The following NCKAP5 variants were observed in gnomAD, a reference collection of about 807,000 sequenced individuals.
The protein encoded by NCKAP5 is NCK associated protein 5, also known as nck-associated protein 5.
NCKAP5 carries 92 observed loss-of-function variants against 167.0 expected under a neutral mutation model. The ratio of observed to expected loss-of-function variants is 0.55; its 90% confidence interval spans 0.47 to 0.66. The LOEUF (loss-of-function observed/expected upper bound fraction) is 0.66, where lower values mean the gene tolerates loss of function less well. NCKAP5 is among the 30% of genes least tolerant of loss of function. The pLI is 0.00. For missense variants in NCKAP5, 2,378 were observed against 2,315.0 expected (o/e 1.03, Z -0.56); for synonymous variants, 891 against 877.4 (o/e 1.02, Z -0.27).
At chr2:133,020,620 A>G (rs2078493420) in intron 6 of NCKAP5, among the ~76,000 whole-genome samples, 1 of 152,312 alleles carries the variant, frequency 6.6e-6, no homozygotes, top group East Asian at 1.9e-4. Context: ...TTGTTTTTAA[A>G]TTTCATTTCA....
chr2:133,182,229 T>C (rs1430597105), intron 5 of NCKAP5, among the ~76,000 whole-genome samples: 1 of 152,156 alleles, frequency 6.6e-6, no homozygotes, highest in Non-Finnish European at 1.5e-5. Context: ...TACACAACAA[T>C]AGCATTAACC....
At chr2:132,843,332 C>T (rs1192166887) in intron 11 of NCKAP5, among the ~76,000 whole-genome samples, 1 of 152,038 alleles carries the variant, frequency 6.6e-6, no homozygotes, top group African/African-American at 2.4e-5. Flanking sequence ...TTATTAAGTT[C>T]ACCTTACATT....
chr2:133,275,188 A>C (rs1257200933), intron 4 of NCKAP5, among the ~76,000 whole-genome samples: 1 of 152,094 alleles, frequency 6.6e-6, no homozygotes, highest in South Asian at 2.1e-4. Context: ...GGGAAATGCA[A>C]ATTAAAACAA....
At chr2:132,917,140 A>C (rs929332769) in intron 8 of NCKAP5, among the ~76,000 whole-genome samples, 1 of 152,206 alleles carries the variant, frequency 6.6e-6, no homozygotes, top group African/African-American at 2.4e-5. Context: ...CTAAGCAGAA[A>C]GATATGCAGT....
intron 6 of NCKAP5, chr2:133,123,479 C>T (rs2082311909): frequency 1.0e-5 from 2 of 192,504 alleles, no homozygotes; most frequent in Non-Finnish European, 2.2e-5. Context: ...AAAATTTATC[C>T]TTGAACCAAT....
chr2:133,444,737 A>T (rs1393662442), intron 3 of NCKAP5, among the ~76,000 whole-genome samples: 2 of 152,212 alleles, frequency 1.3e-5, no homozygotes, highest in Non-Finnish European at 2.9e-5. Context: ...TCAGCAGAAC[A>T]GGAGTCAGCC....
At chr2:132,683,790 G>T (rs1045842161) in intron 19 of NCKAP5, among the ~76,000 whole-genome samples, 1 of 152,170 alleles carries the variant, frequency 6.6e-6, no homozygotes, top group Non-Finnish European at 1.5e-5. Flanking sequence ...GGCAGAGGAA[G>T]TTTGGTGACC....
intron 4 of NCKAP5, among the ~76,000 whole-genome samples, chr2:133,238,991 G>T (rs2087553020): frequency 6.6e-6 from 1 of 152,012 alleles, no homozygotes; most frequent in South Asian, 2.1e-4. Context: ...CCTTTATGAG[G>T]TCCTTATGTT....
Position 132,790,100 on chromosome 2 carries a change from A to T in NCKAP5, c.1015T>A (p.Ser339Thr), listed in dbSNP as rs762736438. ...TACTCGCTGCAGGTGCTTGAAAGAG[A>T]CAGTTCACTGCTGCTACTGTAGCTG... ...RNSYSSSSEL[S>T]LSSTCSEYSS... The change falls in exon 13 of 20, where the codon TCT (serine) becomes ACT (threonine). Residue 339 changes from serine (S) to threonine (T), a missense_variant. Ser to Thr is a moderately conservative substitution (Grantham distance 58, BLOSUM62 1). This residue lies in a region of NCKAP5 where 1,049 missense variants were observed against 1,023.4 expected (regional missense o/e 1.02). Coordinates refer to ENST00000409261, the MANE Select transcript of NCKAP5 (RefSeq NM_207363.3). 1.9e-6 allele frequency: 3 copies of T among 1,613,446 alleles called. No homozygotes were observed. The highest frequency in any genetic ancestry group is 2.5e-6 in the Non-Finnish European group (3 of 1,179,698).
At chr2:133,540,633 C>T (rs1686144841) in intron 2 of NCKAP5, among the ~76,000 whole-genome samples, 1 of 152,000 alleles carries the variant, frequency 6.6e-6, no homozygotes, top group Non-Finnish European at 1.5e-5. Context: ...TTATCTATTG[C>T]CATTAAAAAT....
At chr2:133,050,377 T>C (rs2079559901) in intron 6 of NCKAP5, among the ~76,000 whole-genome samples, 1 of 152,096 alleles carries the variant, frequency 6.6e-6, no homozygotes, top group African/African-American at 2.4e-5. Flanking sequence ...GAATGGTATC[T>C]TGGTGAGGGA....
At chr2:133,297,576 A>G (rs530601098) in intron 4 of NCKAP5, among the ~76,000 whole-genome samples, 1 of 152,334 alleles carries the variant, frequency 6.6e-6, no homozygotes, top group South Asian at 2.1e-4. Flanking sequence ...AAAGTTGGTT[A>G]AAGACTAGCA....
chr2:133,474,880 G>A (rs1408912042), intron 3 of NCKAP5, among the ~76,000 whole-genome samples: 4 of 151,698 alleles, frequency 2.6e-5, no homozygotes, highest in South Asian at 2.1e-4. Context: ...GCACAATCTC[G>A]GCTCACTGCA....
At chr2:133,637,476 CAAAAAAAAAAA>C in the NCKAP5 span, among the ~76,000 whole-genome samples, 6 of 31,674 alleles carry the variant, frequency 1.9e-4, no homozygotes, top group East Asian at 4.2e-3. Flanking sequence ...TGGTATTTTC[CAAAAAAAAAAA>C]AAAAAAAAAA....
intron 3 of NCKAP5, among the ~76,000 whole-genome samples, chr2:133,372,348 CTTGA>C (rs1685859679): frequency 1.3e-5 from 2 of 152,102 alleles, no homozygotes; most frequent in Non-Finnish European, 2.9e-5. Context: ...CCCTCAAATG[CTTGA>C]TTAAGGAATG....
At chr2:133,154,183 G>T (rs562231149) in intron 5 of NCKAP5, among the ~76,000 whole-genome samples, 10 of 152,122 alleles carry the variant, frequency 6.6e-5, no homozygotes, top group African/African-American at 2.4e-4. Context: ...TTGATTAAAT[G>T]AGCATCTCTT....
chr2:133,334,577 C>T (rs1270947731), intron 3 of NCKAP5, among the ~76,000 whole-genome samples: 4 of 152,136 alleles, frequency 2.6e-5, no homozygotes, highest in African/African-American at 9.7e-5. Context: ...AGTTCATGCT[C>T]CTTCTGTCCC....
intron 6 of NCKAP5, among the ~76,000 whole-genome samples, chr2:133,098,824 T>C (rs747862537): frequency 1.3e-5 from 2 of 152,204 alleles, no homozygotes; most frequent in Non-Finnish European, 2.9e-5. Flanking sequence ...TTTAGAGAAG[T>C]ACATGCTTAA....
intron 19 of NCKAP5, among the ~76,000 whole-genome samples, chr2:132,711,663 C>A (rs1688855132): frequency 6.6e-6 from 1 of 152,174 alleles, no homozygotes; most frequent in Non-Finnish European, 1.5e-5. Flanking sequence ...TATCCATAAT[C>A]CATAAATATC....
Sources: allele counts gnomAD v4.1 joint callset (sites outside exome capture counted in the v4.1 genomes callset), GRCh38; gene constraint gnomAD v4.1.1; regional missense constraint gnomAD v4.1.1; transcripts MANE v1.5; gene names NCBI Gene and HGNC (gene_info 2026-07-23, HGNC 2026-07-21).